TGFA: variants seen among roughly 807,000 people sequenced by gnomAD.
TGFA encodes protransforming growth factor alpha.
A neutral mutation model predicts 21.7 loss-of-function variants in TGFA; 12 were observed. The observed-to-expected ratio is 0.55, with a 90% CI of 0.35 to 0.90. The LOEUF is 0.90. TGFA is among the 40% of genes least tolerant of loss of function. The pLI, the probability that TGFA is intolerant of heterozygous loss-of-function variation, is 0.01. For synonymous variants in TGFA, 79 were observed against 88.1 expected (o/e 0.90, Z 0.58); for missense variants, 178 against 210.8 (o/e 0.84, Z 0.96).
intron 2 of TGFA, among the ~76,000 whole-genome samples, chr2:70,473,551 AC>A (rs782479701): frequency 4.0e-5 from 6 of 151,898 alleles, no homozygotes; most frequent in Non-Finnish European, 7.4e-5. Flanking sequence ...AGGCAGAAGA[AC>A]AAGAGGGTTT....
intron 1 of TGFA, among the ~76,000 whole-genome samples, chr2:70,543,603 G>C (rs1347596266): frequency 6.6e-6 from 1 of 151,746 alleles, no homozygotes; most frequent in South Asian, 2.1e-4. Flanking sequence ...ATTAAAAGGA[G>C]TTCATTTATA....
intron 1 of TGFA, among the ~76,000 whole-genome samples, chr2:70,535,166 C>A (rs1188304837): frequency 6.6e-6 from 1 of 151,970 alleles, no homozygotes; most frequent in Non-Finnish European, 1.5e-5. Context: ...AACTATTGGC[C>A]ATTATCTTTT....
chr2:70,508,908 G>C (rs78334182), intron 2 of TGFA, among the ~76,000 whole-genome samples: 3,089 of 152,244 alleles, frequency 0.02, 117 homozygotes, highest in African/African-American at 0.071. Context: ...CCTGTGTTCT[G>C]TCTACTACCC....
rs1170065723 is a variant in TGFA at position 70,504,459 on chromosome 2, T to C, written c.94+10400A>G. ...ATATATATATATATATATATATATA[T>C]ATATACACACATACATACATACATA... On this transcript the variant is annotated intron_variant, in intron 2 of 5. Transcript: ENST00000295400. Among the ~76,000 whole-genome samples the C allele has an allele frequency of 3.7e-3, 276 of 74,318 alleles. 5 individuals are homozygous for C. Among genetic ancestry groups the C allele is most frequent in the African/African-American group, 0.024 (242 of 10,028 alleles). 48.8% of individuals were successfully genotyped at this position (74,318 alleles called of 152,430 possible).
intron 1 of TGFA, among the ~76,000 whole-genome samples, chr2:70,540,382 G>C (rs180844550): frequency 3.9e-4 from 60 of 152,278 alleles, no homozygotes; most frequent in Non-Finnish European, 7.6e-4. Flanking sequence ...ACAGACCCAA[G>C]TACTCCTAAG....
At chr2:70,522,698 G>A (rs190027200) in intron 1 of TGFA, among the ~76,000 whole-genome samples, 83 of 152,290 alleles carry the variant, frequency 5.5e-4, no homozygotes, top group African/African-American at 2.0e-3. Flanking sequence ...ACCTCCCAAA[G>A]TGCTGGGATC....
chr2:70,453,393 C>G, intron 4 of TGFA, 66 bp from the exon 5 acceptor site: 1 of 1,466,934 alleles, frequency 6.8e-7, no homozygotes, highest in Non-Finnish European at 9.4e-7. Flanking sequence ...GGTACAGCAT[C>G]TGCCCTAGGG....
Position 70,477,336 on chromosome 2 carries a change from A to G in TGFA, c.95-11600T>C, listed in dbSNP as rs757215924. On this transcript the variant is annotated intron_variant, in intron 2 of 5. Transcript: ENST00000295400. ...TGGTCTCTATGGACAGAAACCTCAC[A>G]CACTCCTACCATAAACAACAAAATC... Among the ~76,000 whole-genome samples, 134 of 152,340 alleles carry G rather than the reference A, an allele frequency of 8.8e-4. 2 individuals carry two copies. Among genetic ancestry groups the G allele is most frequent in the Non-Finnish European group, 2.4e-4 (16 of 68,026 alleles).
chr2:70,537,823 T>G (rs1462705116), intron 1 of TGFA, among the ~76,000 whole-genome samples: 2 of 152,202 alleles, frequency 1.3e-5, no homozygotes, highest in African/African-American at 4.8e-5. Context: ...ATCCAGAAGA[T>G]CTAGCTAAGA....
chr2:70,496,317 C>T (rs1671577337), intron 2 of TGFA, among the ~76,000 whole-genome samples: 1 of 152,170 alleles, frequency 6.6e-6, no homozygotes, highest in Non-Finnish European at 1.5e-5. Flanking sequence ...ACAGCTCCCT[C>T]CAAAATATGC....
intron 1 of TGFA, among the ~76,000 whole-genome samples, chr2:70,529,787 A>G (rs1188206227): frequency 2.0e-5 from 3 of 152,230 alleles, no homozygotes; most frequent in African/African-American, 7.2e-5. Flanking sequence ...GACAGAAGAG[A>G]CACTCAGGGT....
At position 70,476,080 on chromosome 2, in the gene TGFA, CAAA is replaced by C. The variant is rs1175233983; in HGVS notation, c.95-10347_95-10345del. Among the ~76,000 whole-genome samples, 456 of 55,634 alleles carry C rather than the reference CAAA, an allele frequency of 8.2e-3. 2 individuals are homozygous for C. The highest frequency in any genetic ancestry group is 0.03 in the African/African-American group (427 of 14,416). 36.5% of individuals were successfully genotyped at this position (55,634 alleles called of 152,430 possible). A position where few individuals can be genotyped will look rare whatever the true frequency, so the allele number is the denominator to read the frequency against. On this transcript the variant is annotated intron_variant, in intron 2 of 5. Transcript: ENST00000295400. Reference sequence around the variant, plus strand: ...CTACCTTGGTCTTAGTAATTTTAAGCAAAAAAAAAAAAAAAAAAAAAAAAAAAT... The same window carrying C: ...CTACCTTGGTCTTAGTAATTTTAAGCAAAAAAAAAAAAAAAAAAAAAAAAT...
intron 2 of TGFA, among the ~76,000 whole-genome samples, chr2:70,499,042 G>C (rs572449128): frequency 6.6e-6 from 1 of 152,096 alleles, no homozygotes; most frequent in Non-Finnish European, 1.5e-5. Context: ...TAATTCTAAC[G>C]TGCAGCCATA....
At chr2:70,518,508 T>C (rs2103865612) in intron 1 of TGFA, among the ~76,000 whole-genome samples, 1 of 152,252 alleles carries the variant, frequency 6.6e-6, no homozygotes, top group South Asian at 2.1e-4. Context: ...CCCATTTAGC[T>C]CATGAGTCCC....
intron 1 of TGFA, among the ~76,000 whole-genome samples, chr2:70,516,063 C>T (rs914943863): frequency 5.3e-5 from 8 of 152,144 alleles, no homozygotes; most frequent in Non-Finnish European, 1.0e-4. Context: ...TTACAGTACT[C>T]GAGGTTTCTG....
At position 70,447,517 on chromosome 2, in the gene TGFA, A is replaced by G. The variant is rs1669916782; in HGVS notation, c.*3342T>C. 6.6e-6 allele frequency: 1 copy of G among 152,636 alleles called. No individual in the cohort carries two copies. The highest frequency in any genetic ancestry group is 1.5e-5 in the Non-Finnish European group (1 of 68,046). The allele number at this position is 152,636 out of a possible 1,614,324, so 9.5% of individuals were successfully genotyped here. A position where few individuals can be genotyped will look rare whatever the true frequency, so the allele number is the denominator to read the frequency against. ...TAAATATTAACCTTTTCAGTGCAAC[A>G]TATACAGACATCAGAGTAAGGAGTT... On this transcript the variant is annotated 3_prime_UTR_variant, in exon 6 of 6. Coordinates refer to ENST00000295400, the MANE Select transcript of TGFA (RefSeq NM_003236.4).
chr2:70,462,956 A>C (rs1466660069), intron 3 of TGFA, among the ~76,000 whole-genome samples: 3 of 152,044 alleles, frequency 2.0e-5, no homozygotes, highest in African/African-American at 7.2e-5. Context: ...GGCCTTTCTC[A>C]GGAGGAGGGT....
chr2:70,454,753 CAGGGAGACCAAGGCTGGGA>C (rs1263786334), intron 4 of TGFA, among the ~76,000 whole-genome samples: 1 of 152,150 alleles, frequency 6.6e-6, no homozygotes, highest in African/African-American at 2.4e-5. Flanking sequence ...TGGTCTCTGG[CAGGGAGACCAAGGCTGGGA>C]AGGGACACAG....
chr2:70,524,231 T>C (rs1391953236), intron 1 of TGFA, among the ~76,000 whole-genome samples: 4 of 152,222 alleles, frequency 2.6e-5, no homozygotes, highest in Admixed American at 6.5e-5. Context: ...AAAACATCTT[T>C]ATCCAACAGT....
Sources: allele counts gnomAD v4.1 joint callset (sites outside exome capture counted in the v4.1 genomes callset), GRCh38; gene constraint gnomAD v4.1.1; transcripts MANE v1.5; gene names NCBI Gene and HGNC (gene_info 2026-07-23, HGNC 2026-07-21).